Variants in CBLB observed in about 807,000 individuals in gnomAD.
CBLB encodes the protein E3 ubiquitin-protein ligase CBL-B.
In CBLB, 31 loss-of-function variants were observed where a neutral mutation model predicts 104.9. That is an observed-to-expected ratio of 0.30 (90% CI 0.22 to 0.40). The LOEUF (loss-of-function observed/expected upper bound fraction) is 0.40. Ranked by LOEUF, CBLB falls within the 10% of genes least tolerant of loss-of-function variation. The probability of loss-of-function intolerance (pLI) is 1.00; values close to 1 mark genes in which losing one functional copy is unlikely to be tolerated. For synonymous variants in CBLB, 440 were observed against 422.6 expected (o/e 1.04, Z -0.51); for missense variants, 1,062 against 1,214.6 (o/e 0.87, Z 1.87).
At chr3:105,744,761 C>A (rs1484569515) in intron 6 of CBLB, among the ~76,000 whole-genome samples, 1 of 152,074 alleles carries the variant, frequency 6.6e-6, no homozygotes, top group Non-Finnish European at 1.5e-5. Context: ...GAAACCCCAT[C>A]TCTACTAAAA....
At chr3:105,712,415 T>C (rs1210914655) in intron 10 of CBLB, among the ~76,000 whole-genome samples, 1 of 152,078 alleles carries the variant, frequency 6.6e-6, no homozygotes, top group African/African-American at 2.4e-5. Context: ...AAGGGTGACA[T>C]ATAATTCAGA....
At chr3:105,823,913 A>G (rs533844846) in intron 3 of CBLB, among the ~76,000 whole-genome samples, 1 of 151,816 alleles carries the variant, frequency 6.6e-6, no homozygotes, top group East Asian at 1.9e-4. Flanking sequence ...CTCAAACTCA[A>G]CCCTACCAAG....
At chr3:105,823,287 C>G (rs540113862) in intron 3 of CBLB, among the ~76,000 whole-genome samples, 1 of 152,232 alleles carries the variant, frequency 6.6e-6, no homozygotes, top group East Asian at 1.9e-4. Context: ...GGCCCTGAAA[C>G]AGAAGGCTCC....
rs981729984 is a variant in CBLB at position 105,758,613 on chromosome 3, C to T, written c.567-6995G>A. ...ACACCTGCCAAGGACGAGTCAGATG[C>T]GGAGCAGCAAGTGGTGCATGAACAA... On this transcript the variant is annotated intron_variant, in intron 4 of 18. Coordinates refer to ENST00000394030, the MANE Select transcript of CBLB (RefSeq NM_170662.5). 3.9e-5 allele frequency among the ~76,000 whole-genome samples: 6 copies of T among 152,246 alleles called. No individual in the cohort carries two copies. The South Asian group carries it at 6.2e-4, about 16-fold the overall frequency.
intron 2 of CBLB, among the ~76,000 whole-genome samples, chr3:105,861,708 T>C (rs148504959): frequency 0.079 from 11,342 of 142,670 alleles, 588 homozygotes; most frequent in East Asian, 0.3. Flanking sequence ...CACACACACA[T>C]ACATACACAC....
At chr3:105,848,497 T>G (rs2090562471) in intron 3 of CBLB, among the ~76,000 whole-genome samples, 1 of 152,134 alleles carries the variant, frequency 6.6e-6, no homozygotes, top group Admixed American at 6.6e-5. Context: ...TTCGGGCTAC[T>G]CATTCATCAT....
intron 3 of CBLB, among the ~76,000 whole-genome samples, chr3:105,839,174 T>C (rs1295019791): frequency 6.6e-6 from 1 of 152,160 alleles, no homozygotes; most frequent in Non-Finnish European, 1.5e-5. Flanking sequence ...GCAGGCATTA[T>C]ATAAAGGCTG....
intron 5 of CBLB, among the ~76,000 whole-genome samples, chr3:105,750,114 G>A (rs984112529): frequency 1.3e-5 from 2 of 151,840 alleles, no homozygotes; most frequent in Admixed American, 1.3e-4. Context: ...TGCCTCCCGG[G>A]TTCACACCAT....
intron 3 of CBLB, among the ~76,000 whole-genome samples, chr3:105,814,600 TCA>T (rs1052964027): frequency 5.5e-5 from 3 of 54,842 alleles, no homozygotes; most frequent in African/African-American, 8.4e-5. Flanking sequence ...TCTCTTGAAA[TCA>T]CTCTTGTGTC....
intron 12 of CBLB, among the ~76,000 whole-genome samples, chr3:105,695,552 G>A (rs1488167139): frequency 1.3e-5 from 2 of 151,772 alleles, no homozygotes; most frequent in Admixed American, 1.3e-4. Flanking sequence ...CTTACTCTTG[G>A]AGGGCAATAC....
intron 3 of CBLB, among the ~76,000 whole-genome samples, chr3:105,831,014 G>C (rs1255236624): frequency 1.3e-5 from 2 of 152,142 alleles, no homozygotes; most frequent in Middle Eastern, 3.2e-3. Context: ...GCAAAACCTT[G>C]TCATTTAAAT....
rs545223758 is a variant in CBLB, at chr3:105,762,844, A to C, written c.567-11226T>G. Reference sequence around the variant, plus strand: ...AGGGCCACCGTCCTCCAGACCCCAGAATAGTAGATCTACCAACATTTTGCA... The same window carrying C: ...AGGGCCACCGTCCTCCAGACCCCAGCATAGTAGATCTACCAACATTTTGCA... On this transcript the variant is annotated intron_variant, in intron 4 of 18. Coordinates refer to ENST00000394030, the MANE Select transcript of CBLB (RefSeq NM_170662.5). Among the ~76,000 whole-genome samples the C allele has an allele frequency of 9.5e-4, 144 of 152,306 alleles. 1 individual carries two copies. The highest frequency in any genetic ancestry group is 3.4e-3 in the African/African-American group (143 of 41,574).
chr3:105,720,547 T>A lies in CBLB; in HGVS notation c.1204-297A>T, dbSNP rs550672596. ...ACTGTTCACTTATTATTCTAATGTA[T>A]CAAGGCATTAGAGTCCTGAAGAAAA... On this transcript the variant is annotated intron_variant, in intron 9 of 18. Coordinates refer to ENST00000394030, the MANE Select transcript of CBLB (RefSeq NM_170662.5). Among the ~76,000 whole-genome samples the A allele has an allele frequency of 3.9e-5, 6 of 152,306 alleles. 1 individual carries two copies. The South Asian group carries it at 1.2e-3, about 32-fold the overall frequency.
chr3:105,812,786 T>C (rs2084487291), intron 3 of CBLB, among the ~76,000 whole-genome samples: 1 of 152,214 alleles, frequency 6.6e-6, no homozygotes, highest in Non-Finnish European at 1.5e-5. Context: ...TATTTCTATA[T>C]TAATTTTATC....
rs1471808129 is a variant in CBLB, at chr3:105,853,615, T to C, written c.218A>G (p.Tyr73Cys). 3 of 1,609,080 alleles carry C rather than the reference T, an allele frequency of 1.9e-6. No homozygotes were observed. Among genetic ancestry groups the C allele is most frequent in the Admixed American group, 1.7e-5 (1 of 59,994 alleles). ...PKLQLKNSPP[Y>C]ILDILPDTYQ... The stretch of plus-strand genomic sequence containing the variant: ...TGTATCAGGCAAAATATCAAGTATA[T>C]ATGGTGGGCTATTTTTCAACTGAAG... The change falls in exon 3 of 19, where the codon TAT (tyrosine) becomes TGT (cysteine). Residue 73 changes from tyrosine (Y) to cysteine (C), a missense_variant. By Grantham distance (194) the Tyr-to-Cys change is radical. Transcript: ENST00000394030.
intron 3 of CBLB, among the ~76,000 whole-genome samples, chr3:105,818,652 A>T (rs1009307076): frequency 1.3e-5 from 2 of 152,176 alleles, no homozygotes; most frequent in East Asian, 3.8e-4. Context: ...ATTACCACTG[A>T]ATCTAATGCA....
rs397874009 is a variant in CBLB at position 105,770,082 on chromosome 3, G to GTT, written c.566+6312_566+6313dup. ...CTAAATCTTCTCAATGCTAATTTTT[G>GTT]TTTTTTTTTTTTTTTCAAGATGGCA... On this transcript the variant is annotated intron_variant, in intron 4 of 18. Transcript: ENST00000394030. Among the ~76,000 whole-genome samples, 11 of 142,680 alleles carry GTT rather than the reference G, an allele frequency of 7.7e-5. No individual in the cohort carries two copies. The East Asian group carries it at 1.5e-3, about 20-fold the overall frequency. 93.6% of individuals were successfully genotyped at this position (142,680 alleles called of 152,430 possible). A position where few individuals can be genotyped will look rare whatever the true frequency, so the allele number is the denominator to read the frequency against.
chr3:105,666,492 C>G (rs2064474459), intron 18 of CBLB, among the ~76,000 whole-genome samples: 1 of 152,000 alleles, frequency 6.6e-6, no homozygotes, highest in African/African-American at 2.4e-5. Flanking sequence ...TCGAGACCAG[C>G]CTGGCCAACA....
intron 3 of CBLB, among the ~76,000 whole-genome samples, chr3:105,852,500 T>C (rs2091068081): frequency 6.6e-6 from 1 of 152,164 alleles, no homozygotes; most frequent in Non-Finnish European, 1.5e-5. Context: ...AGTCAAAAAG[T>C]TAAAAAAAAT....
Sources: allele counts gnomAD v4.1 joint callset (sites outside exome capture counted in the v4.1 genomes callset), GRCh38; gene constraint gnomAD v4.1.1; transcripts MANE v1.5; gene names NCBI Gene and HGNC (gene_info 2026-07-23, HGNC 2026-07-21).